Variants in ARID5B observed in about 807,000 individuals in gnomAD.
The protein encoded by ARID5B is AT-rich interaction domain 5B.
A neutral mutation model predicts 97.2 loss-of-function variants in ARID5B; 13 were observed. The ratio of observed to expected loss-of-function variants is 0.13; its 90% CI spans 0.09 to 0.21. The LOEUF is 0.21. ARID5B is among the 10% of genes least tolerant of loss of function. The pLI, the probability that ARID5B is intolerant of heterozygous loss-of-function variation, is 1.00. For synonymous variants in ARID5B, 556 were observed against 570.3 expected (o/e 0.97, Z 0.36); for missense variants, 1,210 against 1,465.3 (o/e 0.83, Z 2.84).
rs867808190 is a variant in ARID5B at position 61,967,025 on chromosome 10, T to C, written c.502+26617T>C. On this transcript the variant is annotated intron_variant, in intron 3 of 9. Transcript: ENST00000279873. ...AATGGTTAGCTCAGAAAACCGGGCC[T>C]TTTTTTCCCCCAGAACGTATGTAAG... 1.5e-3 allele frequency among the ~76,000 whole-genome samples: 229 copies of C among 152,176 alleles called. 1 individual carries two copies. The highest frequency in any genetic ancestry group is 5.3e-3 in the African/African-American group (221 of 41,504).
chr10:61,951,235 C>G (rs1271722636), intron 3 of ARID5B, among the ~76,000 whole-genome samples: 1 of 152,180 alleles, frequency 6.6e-6, no homozygotes, highest in South Asian at 2.1e-4. Context: ...TCAAAGACTT[C>G]GTGAAGTGCT....
chr10:62,052,771 T>C (rs1226804506), intron 5 of ARID5B, among the ~76,000 whole-genome samples: 1 of 152,130 alleles, frequency 6.6e-6, no homozygotes, highest in Non-Finnish European at 1.5e-5. Flanking sequence ...AAGTGACGCC[T>C]TTACTCCATC....
rs563816083 is a variant in ARID5B at position 61,925,875 on chromosome 10, A to G, written c.277-14308A>G. ...TAACCATGAAGGATGGTCGCGTTACATTTAACAAAGCGTGCCTCAGAGCAA... is the reference window on the plus strand; with the variant it reads ...TAACCATGAAGGATGGTCGCGTTACGTTTAACAAAGCGTGCCTCAGAGCAA... On this transcript the variant is annotated intron_variant, in intron 2 of 9. Transcript: ENST00000279873. 9.2e-5 allele frequency among the ~76,000 whole-genome samples: 14 copies of G among 152,310 alleles called. No individual in the cohort carries two copies. In the South Asian group the frequency reaches 2.9e-3, roughly 32 times the overall value.
chr10:61,932,853 C>G (rs148615844), intron 2 of ARID5B, among the ~76,000 whole-genome samples: 6 of 152,056 alleles, frequency 3.9e-5, no homozygotes, highest in African/African-American at 1.2e-4. Context: ...CCCAGCACTT[C>G]GGGAGGATGA....
intron 2 of ARID5B, among the ~76,000 whole-genome samples, chr10:61,906,132 G>A (rs982433124): frequency 6.6e-6 from 1 of 151,964 alleles, no homozygotes; most frequent in Non-Finnish European, 1.5e-5. Context: ...AGGCAAAAGA[G>A]CTTTATATAC....
At chr10:61,980,066 A>G (rs1242227813) in intron 3 of ARID5B, among the ~76,000 whole-genome samples, 1 of 152,046 alleles carries the variant, frequency 6.6e-6, no homozygotes, top group African/African-American at 2.4e-5. Flanking sequence ...GCATTCCAGC[A>G]TGGGCAACAA....
chr10:62,005,625 G>A (rs1448551544), intron 4 of ARID5B, among the ~76,000 whole-genome samples: 1 of 152,086 alleles, frequency 6.6e-6, no homozygotes, highest in Non-Finnish European at 1.5e-5. Flanking sequence ...TTTTCCTGTG[G>A]AGTGAAATAA....
At chr10:62,057,373 T>C in intron 6 of ARID5B, 55 bp downstream of exon 6, 2 of 1,520,802 alleles carry the variant, frequency 1.3e-6, no homozygotes, top group South Asian at 1.2e-5. Context: ...ATTCTTTGAA[T>C]TGGAAAAAAT....
intron 2 of ARID5B, among the ~76,000 whole-genome samples, chr10:61,933,415 T>C (rs1844246796): frequency 6.6e-6 from 1 of 152,248 alleles, no homozygotes; most frequent in African/African-American, 2.4e-5. Context: ...TAATGGCATC[T>C]AGAATAGTGA....
At chr10:61,903,732 C>A (rs1347481109) in intron 2 of ARID5B, among the ~76,000 whole-genome samples, 1 of 152,160 alleles carries the variant, frequency 6.6e-6, no homozygotes, top group African/African-American at 2.4e-5. Context: ...TCGGTTTGAT[C>A]GAGTTGATAG....
intron 4 of ARID5B, among the ~76,000 whole-genome samples, chr10:62,039,866 C>CTA (rs1839612649): frequency 6.6e-6 from 1 of 152,252 alleles, no homozygotes; most frequent in Non-Finnish European, 1.5e-5. Flanking sequence ...GCCAATGAGG[C>CTA]TATGCCCCTG....
intron 4 of ARID5B, among the ~76,000 whole-genome samples, chr10:62,040,798 G>A (rs917067842): frequency 5.9e-5 from 9 of 151,918 alleles, no homozygotes; most frequent in Non-Finnish European, 8.8e-5. Context: ...TTTACACTGC[G>A]GCACATCTCA....
At chr10:61,991,995 G>T (rs1838931807) in intron 3 of ARID5B, among the ~76,000 whole-genome samples, 1 of 151,796 alleles carries the variant, frequency 6.6e-6, no homozygotes, top group South Asian at 2.1e-4. Flanking sequence ...TCACGCTATG[G>T]CACTCCAGCC....
chr10:61,912,047 T>C (rs1291122059), intron 2 of ARID5B, among the ~76,000 whole-genome samples: 1 of 152,236 alleles, frequency 6.6e-6, no homozygotes, highest in Non-Finnish European at 1.5e-5. Context: ...CCCAGGATAC[T>C]TGCTTGGTAA....
chr10:62,041,359 G>A (rs1269300790), intron 4 of ARID5B, among the ~76,000 whole-genome samples: 1 of 152,178 alleles, frequency 6.6e-6, no homozygotes, highest in Non-Finnish European at 1.5e-5. Flanking sequence ...GGAAGGGTGA[G>A]AGGGATTTGC....
At chr10:61,922,960 T>A (rs1844043095) in intron 2 of ARID5B, among the ~76,000 whole-genome samples, 1 of 152,164 alleles carries the variant, frequency 6.6e-6, no homozygotes, top group South Asian at 2.1e-4. Flanking sequence ...ATTAAACAGA[T>A]TCTGGCCAAT....
chr10:61,915,668 T>C (rs1264260587), intron 2 of ARID5B, among the ~76,000 whole-genome samples: 6 of 152,188 alleles, frequency 3.9e-5, no homozygotes, highest in Non-Finnish European at 5.9e-5. Context: ...CATTTGGCTA[T>C]GGAGATGGTT....
intron 4 of ARID5B, among the ~76,000 whole-genome samples, chr10:62,023,501 G>A (rs546333728): frequency 1.3e-5 from 2 of 152,260 alleles, no homozygotes; most frequent in East Asian, 3.9e-4. Flanking sequence ...TCATATTCTT[G>A]TACCAGAAGA....
chr10:61,941,297 C>CT (rs1011329966), intron 3 of ARID5B, among the ~76,000 whole-genome samples: 28 of 143,520 alleles, frequency 2.0e-4, no homozygotes, highest in South Asian at 6.7e-4. Flanking sequence ...CCTTTCATTG[C>CT]TTTTTTTTTT....
Sources: gnomAD v4.1 joint callset for allele counts (sites outside exome capture counted in the v4.1 genomes callset) on GRCh38, gnomAD v4.1.1 for gene constraint, MANE v1.5 for transcripts, NCBI Gene and HGNC (gene_info 2026-07-23, HGNC 2026-07-21) for gene names.